CBX1: variants seen among roughly 807,000 people sequenced by gnomAD.
The protein encoded by CBX1 is chromobox protein homolog 1.
CBX1 carries 10 observed loss-of-function variants against 25.1 expected under a neutral mutation model. The ratio of observed to expected loss-of-function variants is 0.40; its 90% CI spans 0.25 to 0.68. The LOEUF (loss-of-function observed/expected upper bound fraction) is 0.68. Ranked by LOEUF, CBX1 falls within the 30% of genes least tolerant of loss-of-function variation. CBX1 has a pLI of 0.40. For synonymous variants in CBX1, 63 were observed against 79.4 expected (o/e 0.79, Z 1.10); for missense variants, 106 against 218.5 (o/e 0.49, Z 3.25).
At chr17:48,091,156 C>G (rs1400829347) in intron 1 of CBX1, among the ~76,000 whole-genome samples, 1 of 152,334 alleles carries the variant, frequency 6.6e-6, no homozygotes, top group Non-Finnish European at 1.5e-5. Flanking sequence ...CTTGCTTTAT[C>G]TGAGGAAAAG....
chr17:48,077,090 G>T, intron 1 of CBX1, 49 bp from the exon 2 acceptor site: 1 of 1,424,134 alleles, frequency 7.0e-7, no homozygotes, highest in Non-Finnish European at 9.5e-7. Flanking sequence ...ACTCTTATTG[G>T]TTAGATAATA....
intron 1 of CBX1, among the ~76,000 whole-genome samples, chr17:48,077,433 GTTTTTTTTTTTGTTTTTTTTGT>G (rs1431533320): frequency 3.9e-5 from 5 of 128,840 alleles, no homozygotes; most frequent in Non-Finnish European, 6.5e-5. Flanking sequence ...AATTTTTGTT[GTTTTTTTTTTTGTTTTTTTTGT>G]TTTTTTTTTT....
intron 1 of CBX1, among the ~76,000 whole-genome samples, chr17:48,082,418 C>A (rs1433353159): frequency 7.5e-6 from 1 of 133,372 alleles, no homozygotes; most frequent in Non-Finnish European, 1.5e-5. Flanking sequence ...AGGAGAATGG[C>A]GTGAACTCGG....
chr17:48,091,113 T>C (rs1033504731), intron 1 of CBX1, among the ~76,000 whole-genome samples: 3 of 152,224 alleles, frequency 2.0e-5, no homozygotes, highest in Non-Finnish European at 4.4e-5. Flanking sequence ...GGTTAGGGAA[T>C]AGTTGGTTTG....
intron 1 of CBX1, among the ~76,000 whole-genome samples, chr17:48,089,102 C>CTTT (rs71366828): frequency 8.0e-5 from 11 of 137,060 alleles, no homozygotes; most frequent in Admixed American, 2.9e-4. Context: ...GCATCTGCAT[C>CTTT]TTTTTTTTTT....
chr17:48,075,257 C>T (rs555535468), intron 3 of CBX1, among the ~76,000 whole-genome samples, 157 bp from the exon 4 acceptor site: 10 of 150,310 alleles, frequency 6.7e-5, no homozygotes, highest in African/African-American at 2.4e-5. Flanking sequence ...TGCAGTGGTG[C>T]GATCTCGGCT....
chr17:48,084,175 T>C lies in CBX1; in HGVS notation c.-37-7134A>G, dbSNP rs974743415. ...TTTTCTGGTGGAGACAAGGTGTTCCTATGTTGTTCAGGCTTCTCTTTCTTT... is the reference window on the plus strand; with the variant it reads ...TTTTCTGGTGGAGACAAGGTGTTCCCATGTTGTTCAGGCTTCTCTTTCTTT... On this transcript the variant is annotated intron_variant, in intron 1 of 4. Transcript: ENST00000225603. Among the ~76,000 whole-genome samples the C allele has an allele frequency of 5.1e-4, 75 of 146,852 alleles. 1 individual carries two copies. The highest frequency in any genetic ancestry group is 6.7e-4 in the Admixed American group (10 of 14,904).
intron 1 of CBX1, among the ~76,000 whole-genome samples, chr17:48,077,441 T>TTTG (rs1567764362): frequency 1.3e-5 from 1 of 78,062 alleles, no homozygotes; most frequent in African/African-American, 3.7e-5. Flanking sequence ...TTGTTTTTTT[T>TTTG]TTTGTTTTTT....
At chr17:48,094,635 C>T (rs2063362534) in intron 1 of CBX1, among the ~76,000 whole-genome samples, 1 of 147,614 alleles carries the variant, frequency 6.8e-6, no homozygotes, top group Admixed American at 6.9e-5. Context: ...GAAGCTGAGG[C>T]ACGATAATTG....
chr17:48,077,445 G>GTTTTTTTTTTTTT (rs796350669), intron 1 of CBX1, among the ~76,000 whole-genome samples: 32 of 52,408 alleles, frequency 6.1e-4, no homozygotes, highest in African/African-American at 1.3e-3. Context: ...TTTTTTTTTT[G>GTTTTTTTTTTTTT]TTTTTTTTGT....
intron 1 of CBX1, among the ~76,000 whole-genome samples, chr17:48,084,103 C>G (rs544461758): frequency 1.0e-4 from 15 of 149,792 alleles, no homozygotes; most frequent in African/African-American, 3.6e-4. Context: ...TCCCAAGTAG[C>G]TGGGACTACA....
At chr17:48,085,185 T>C (rs958842002) in intron 1 of CBX1, among the ~76,000 whole-genome samples, 3 of 152,236 alleles carry the variant, frequency 2.0e-5, no homozygotes, top group Non-Finnish European at 4.4e-5. Context: ...ATTTGCATTA[T>C]ACTTTACAGT....
chr17:48,085,573 AAC>A (rs2063307778), intron 1 of CBX1, among the ~76,000 whole-genome samples: 1 of 152,016 alleles, frequency 6.6e-6, no homozygotes, highest in South Asian at 2.1e-4. Flanking sequence ...AAAAAAAAAA[AAC>A]AATGATTTTT....
At chr17:48,078,779 T>C (rs1454142114) in intron 1 of CBX1, among the ~76,000 whole-genome samples, 1 of 128,212 alleles carries the variant, frequency 7.8e-6, no homozygotes, top group African/African-American at 3.1e-5. Context: ...TGAGCCACCG[T>C]GCCTGGACTT....
intron 1 of CBX1, among the ~76,000 whole-genome samples, chr17:48,093,167 G>C (rs2063354098): frequency 6.6e-6 from 1 of 151,214 alleles, no homozygotes; most frequent in African/African-American, 2.4e-5. Flanking sequence ...CCAACTACTT[G>C]GGAGGCTAAA....
chr17:48,075,692 G>A (rs567159762), intron 3 of CBX1, among the ~76,000 whole-genome samples: 1 of 152,256 alleles, frequency 6.6e-6, no homozygotes, highest in East Asian at 1.9e-4. Flanking sequence ...TTAAGATACT[G>A]ATTAAGTCAA....
intron 1 of CBX1, among the ~76,000 whole-genome samples, chr17:48,086,004 A>G (rs1356585515): frequency 6.6e-6 from 1 of 152,214 alleles, no homozygotes; most frequent in Non-Finnish European, 1.5e-5. Flanking sequence ...CAGGCGGCAG[A>G]CATTGGCAGT....
intron 1 of CBX1, among the ~76,000 whole-genome samples, chr17:48,084,284 T>C (rs1598309411): frequency 0.083 from 2 of 24 alleles, no homozygotes; most frequent in East Asian, 0.25. Context: ...CTAATCATCA[T>C]GCTCACTGAA....
intron 1 of CBX1, 39 bp from the exon 2 acceptor site, chr17:48,077,080 AC>A: frequency 1.3e-6 from 2 of 1,489,046 alleles, no homozygotes; most frequent in Non-Finnish European, 9.1e-7. Context: ...ATTAGGGAGC[AC>A]TCTTATTGGT....
Sources: allele counts gnomAD v4.1 joint callset (sites outside exome capture counted in the v4.1 genomes callset), GRCh38; gene constraint gnomAD v4.1.1; transcripts MANE v1.5; gene names NCBI Gene and HGNC (gene_info 2026-07-23, HGNC 2026-07-21).